CELF5: variants seen among roughly 807,000 people sequenced by gnomAD.
CELF5 encodes CUG-BP and ETR-3 like factor 5.
CELF5 carries 6 observed loss-of-function variants against 54.9 expected under a neutral mutation model. The observed-to-expected ratio is 0.11, with a 90% CI of 0.06 to 0.22. The LOEUF is 0.22. CELF5 is among the 10% of genes least tolerant of loss of function. The pLI, the probability that CELF5 is intolerant of heterozygous loss-of-function variation, is 1.00. For missense variants in CELF5, 401 were observed against 678.6 expected (o/e 0.59, Z 4.54); for synonymous variants, 271 against 290.9 (o/e 0.93, Z 0.70).
At chr19:3,266,982 T>C (rs1331201027) in intron 2 of CELF5, among the ~76,000 whole-genome samples, 1 of 150,670 alleles carries the variant, frequency 6.6e-6, no homozygotes, top group Non-Finnish European at 1.5e-5. Context: ...AGCCTGGGAG[T>C]CGGGGAGGAG....
At chr19:3,262,113 C>T (rs2079814315) in intron 2 of CELF5, among the ~76,000 whole-genome samples, 1 of 152,162 alleles carries the variant, frequency 6.6e-6, no homozygotes, top group South Asian at 2.1e-4. Context: ...CGGCTCACTG[C>T]AACCTCCGCC....
Position 3,268,133 on chromosome 19 carries a change from G to C in CELF5, c.343-5739G>C, listed in dbSNP as rs1048077258. On this transcript the variant is annotated intron_variant, in intron 2 of 12. Coordinates refer to ENST00000292672, the MANE Select transcript of CELF5 (RefSeq NM_021938.4). The surrounding 1 kb of genome is among the most constrained non-coding windows in gnomAD (Gnocchi z 4.4). Reference sequence around the variant, plus strand: ...TCTGCCTCAGCCTCCCGAGTAGCTGGGATTACAGGTGCCCGCCACCACGCC... The same window carrying C: ...TCTGCCTCAGCCTCCCGAGTAGCTGCGATTACAGGTGCCCGCCACCACGCC... Among the ~76,000 whole-genome samples, 1 of 152,074 alleles carries C rather than the reference G, an allele frequency of 6.6e-6. No homozygotes were observed. The highest frequency in any genetic ancestry group is 1.5e-5 in the Non-Finnish European group (1 of 68,010).
intron 2 of CELF5, among the ~76,000 whole-genome samples, chr19:3,259,165 G>A (rs1483623918): frequency 6.6e-6 from 1 of 152,284 alleles, no homozygotes; most frequent in East Asian, 1.9e-4. Context: ...AAGATTTGGA[G>A]GCCAGAACAT....
chr19:3,244,658 T>C (rs1357789433), intron 1 of CELF5, among the ~76,000 whole-genome samples: 7 of 145,660 alleles, frequency 4.8e-5, no homozygotes, highest in Admixed American at 1.4e-4. Flanking sequence ...TCTGTGTGCA[T>C]AGTGTGTGTT....
intron 1 of CELF5, among the ~76,000 whole-genome samples, chr19:3,247,639 T>A (rs560318449): frequency 7.9e-5 from 12 of 151,748 alleles, no homozygotes; most frequent in African/African-American, 2.7e-4. Flanking sequence ...TTGTATGGAT[T>A]TATAATCATT....
At chr19:3,229,016 C>G (rs1159016528) in intron 1 of CELF5, among the ~76,000 whole-genome samples, 1 of 151,974 alleles carries the variant, frequency 6.6e-6, no homozygotes, top group African/African-American at 2.4e-5. Flanking sequence ...TGCATATTCT[C>G]TCCTTTATTT....
intron 11 of CELF5, 67 bp from the exon 12 acceptor site, chr19:3,293,252 C>G: frequency 6.3e-7 from 1 of 1,593,346 alleles, no homozygotes; most frequent in South Asian, 1.1e-5. Flanking sequence ...AAGCCAGGGC[C>G]ACAGCATAGG....
Position 3,282,081 on chromosome 19 carries a change from C to A in CELF5, c.751-45C>A. On this transcript the variant is annotated intron_variant, in intron 6 of 12. Coordinates refer to ENST00000292672, the MANE Select transcript of CELF5 (RefSeq NM_021938.4). This position sits in a 1 kb window ranked among gnomAD's most constrained non-coding sequence, Gnocchi z 5.2. ...CAAGCCTCCCCTCATAAGCCATGAT[C>A]TCAGGGCAGATATCACCCCAACTGT... The A allele has an allele frequency of 6.2e-7, 1 of 1,610,848 alleles. No homozygotes were observed. Among genetic ancestry groups the A allele is most frequent in the Non-Finnish European group, 8.5e-7 (1 of 1,177,616 alleles).
At chr19:3,244,317 G>A (rs2079530420) in intron 1 of CELF5, among the ~76,000 whole-genome samples, 1 of 151,936 alleles carries the variant, frequency 6.6e-6, no homozygotes, top group Admixed American at 6.6e-5. Flanking sequence ...TGTGTGCGTA[G>A]TGTATATGGT....
At chr19:3,279,289 G>A (rs1016437417) in intron 5 of CELF5, among the ~76,000 whole-genome samples, 1 of 152,046 alleles carries the variant, frequency 6.6e-6, no homozygotes, top group African/African-American at 2.4e-5. Flanking sequence ...GAGAGGCTGG[G>A]GAGGACCAAG....
intron 1 of CELF5, among the ~76,000 whole-genome samples, chr19:3,227,984 C>G (rs548654282): frequency 1.3e-5 from 2 of 151,984 alleles, no homozygotes; most frequent in African/African-American, 2.4e-5. Context: ...TCCTAGAGGC[C>G]GTGCTGAGAC....
chr19:3,286,309 T>G, intron 10 of CELF5: 1 of 414,232 alleles, frequency 2.4e-6, no homozygotes, highest in Non-Finnish European at 4.3e-6. Flanking sequence ...TCTGGATTTT[T>G]TGGAAAGGAA....
intron 11 of CELF5, 101 bp from the exon 12 acceptor site, chr19:3,293,218 C>A (rs2080379810): frequency 1.3e-6 from 2 of 1,518,112 alleles, no homozygotes; most frequent in African/African-American, 1.4e-5. Context: ...GCACGCAGGC[C>A]TGCTCAGGAC....
intron 8 of CELF5, among the ~76,000 whole-genome samples, chr19:3,283,352 T>G (rs1001335829): frequency 6.6e-6 from 1 of 152,176 alleles, no homozygotes; most frequent in Non-Finnish European, 1.5e-5. Flanking sequence ...TTAATTATTT[T>G]TATTTATTTA....
At chr19:3,284,133 C>A (rs2080195445) in intron 8 of CELF5, among the ~76,000 whole-genome samples, 1 of 102,442 alleles carries the variant, frequency 9.8e-6, no homozygotes, top group Admixed American at 8.5e-5. Context: ...CAAGTGTGAG[C>A]CACCACACCC....
chr19:3,252,245 G>A (rs772722458), intron 2 of CELF5, among the ~76,000 whole-genome samples: 10 of 151,736 alleles, frequency 6.6e-5, no homozygotes, highest in Non-Finnish European at 1.0e-4. Context: ...TATATTGCCC[G>A]GGCTGATCCT....
At chr19:3,288,379 G>A (rs552056182) in intron 10 of CELF5, among the ~76,000 whole-genome samples, 5 of 151,442 alleles carry the variant, frequency 3.3e-5, no homozygotes, top group East Asian at 1.9e-4. Context: ...AAAATTAGCC[G>A]GGCGTGGTGA....
chr19:3,261,657 A>G (rs1231644389), intron 2 of CELF5, among the ~76,000 whole-genome samples: 3 of 151,650 alleles, frequency 2.0e-5, no homozygotes, highest in African/African-American at 7.3e-5. Flanking sequence ...CCATCTCTAC[A>G]AAAAATTTTA....
At chr19:3,247,782 G>C (rs12052179) in intron 1 of CELF5, among the ~76,000 whole-genome samples, 2 of 151,860 alleles carry the variant, frequency 1.3e-5, no homozygotes, top group African/African-American at 2.4e-5. Flanking sequence ...TTTTAATTGA[G>C]AAAGCACTTT....
Sources: gnomAD v4.1 joint callset for allele counts (sites outside exome capture counted in the v4.1 genomes callset) on GRCh38, gnomAD v4.1.1 for gene constraint, Gnocchi (gnomAD v3.1) non-coding constraint, MANE v1.5 for transcripts, NCBI Gene and HGNC (gene_info 2026-07-23, HGNC 2026-07-21) for gene names.